MYO1H: variants seen among roughly 807,000 people sequenced by gnomAD.
MYO1H encodes myosin IH, also known as unconventional myosin-Ih.
A neutral mutation model predicts 149.3 loss-of-function variants in MYO1H; 118 were observed. The ratio of observed to expected loss-of-function variants is 0.79; its 90% CI spans 0.68 to 0.92. MYO1H has a LOEUF of 0.92. Among genes scored for constraint, MYO1H ranks in the 40% least tolerant of loss-of-function variants. The probability of loss-of-function intolerance (pLI) is 0.00; values close to 1 mark genes in which losing one functional copy is unlikely to be tolerated. For synonymous variants in MYO1H, 447 were observed against 465.2 expected, an observed-to-expected ratio of 0.96 and a Z score of 0.50; for missense variants, 1,212 against 1,280.7, an observed-to-expected ratio of 0.95 and a Z score of 0.82.
At chr12:109,360,602 G>T (rs532544799) in intron 1 of MYO1H, among the ~76,000 whole-genome samples, 6 of 152,310 alleles carry the variant, frequency 3.9e-5, no homozygotes, top group Admixed American at 2.6e-4. Flanking sequence ...TAGAGAGTAG[G>T]TGTGTTTGTT....
At chr12:109,345,687 A>G (rs2048100632), upstream of MYO1H, among the ~76,000 whole-genome samples, 1 of 152,232 alleles carries the variant, frequency 6.6e-6, no homozygotes, top group Non-Finnish European at 1.5e-5. Context: ...GCAATAGCCA[A>G]AAAGTGGAAA....
At chr12:109,392,666 A>C (rs1306395273) in intron 2 of MYO1H, among the ~76,000 whole-genome samples, 1 of 151,776 alleles carries the variant, frequency 6.6e-6, no homozygotes, top group Non-Finnish European at 1.5e-5. Flanking sequence ...CAATGAGCCG[A>C]GATCGAGCCA....
At chr12:109,338,834 C>T in the MYO1H span, among the ~76,000 whole-genome samples, 1 of 150,830 alleles carries the variant, frequency 6.6e-6, no homozygotes, top group African/African-American at 2.4e-5. Flanking sequence ...TCACACCCAT[C>T]TTGTTAGTTT....
rs1566031713 is a variant in MYO1H, at chr12:109,409,225, T to TTCTTCTTCTTCTTCTTCTTCTTCTTCTTC, written c.1156-331_1156-330insCTTCTTCTTCTTCTTCTTCTTCTTCTTCT. Among the ~76,000 whole-genome samples the TTCTTCTTCTTCTTCTTCTTCTTCTTCTTC allele has an allele frequency of 3.8e-5, 4 of 105,094 alleles. 1 individual carries two copies. Among genetic ancestry groups the TTCTTCTTCTTCTTCTTCTTCTTCTTCTTC allele is most frequent in the Non-Finnish European group, 7.6e-5 (4 of 52,554 alleles). The allele number at this position is 105,094 out of a possible 152,430, so 68.9% of individuals were successfully genotyped here. A position where few individuals can be genotyped will look rare whatever the true frequency, so the allele number is the denominator to read the frequency against. ...TCTCCTTCTTCTTCTCCTTCTTCTTTTTCTTCTTCTTCTTCTTCTTCTTTT... is the reference window on the plus strand; with the variant it reads ...TCTCCTTCTTCTTCTCCTTCTTCTTTTCTTCTTCTTCTTCTTCTTCTTCTTCTTCTTCTTCTTCTTCTTCTTCTTCTTTT... On this transcript the variant is annotated intron_variant, in intron 10 of 31. Transcript: ENST00000310903.
intron 1 of MYO1H, among the ~76,000 whole-genome samples, chr12:109,382,063 A>T (rs1168684648): frequency 6.6e-6 from 1 of 152,242 alleles, no homozygotes; most frequent in Non-Finnish European, 1.5e-5. Context: ...TAATAAATGA[A>T]GATGGTTTGA....
chr12:109,398,322 C>T (rs991612430), intron 5 of MYO1H, among the ~76,000 whole-genome samples: 1 of 152,246 alleles, frequency 6.6e-6, no homozygotes, highest in Non-Finnish European at 1.5e-5. Context: ...AACGACTACA[C>T]TGTGGTGTGT....
chr12:109,360,786 C>T (rs1339583391), intron 1 of MYO1H, among the ~76,000 whole-genome samples: 1 of 152,194 alleles, frequency 6.6e-6, no homozygotes, highest in Non-Finnish European at 1.5e-5. Context: ...GTCTTGTTTA[C>T]AAGACTGCCT....
intron 3 of MYO1H, among the ~76,000 whole-genome samples, chr12:109,394,605 A>T (rs1304633625): frequency 6.6e-6 from 1 of 152,140 alleles, no homozygotes; most frequent in Non-Finnish European, 1.5e-5. Flanking sequence ...TACCAAAAAA[A>T]AAAAAGGAAA....
chr12:109,418,541 GGTTTT>G (rs564993593), intron 15 of MYO1H, among the ~76,000 whole-genome samples: 1 of 151,264 alleles, frequency 6.6e-6, no homozygotes, highest in Admixed American at 6.6e-5. Context: ...GTAGAGACAG[GGTTTT>G]GTTTTGTTTT....
At chr12:109,389,286 C>T (rs997427176) in intron 2 of MYO1H, among the ~76,000 whole-genome samples, 12 of 152,112 alleles carry the variant, frequency 7.9e-5, no homozygotes, top group Non-Finnish European at 1.5e-4. Flanking sequence ...AGTAAATGGC[C>T]CAAGTTGACA....
the MYO1H span, among the ~76,000 whole-genome samples, chr12:109,324,484 A>G: frequency 6.6e-6 from 1 of 152,306 alleles, no homozygotes; most frequent in East Asian, 1.9e-4. Flanking sequence ...AACTTATTTT[A>G]TAAGCTTCCC....
the MYO1H span, among the ~76,000 whole-genome samples, chr12:109,331,487 T>TG: frequency 7.7e-5 from 8 of 103,352 alleles, no homozygotes; most frequent in East Asian, 2.6e-3. Context: ...GGGGCGGGGG[T>TG]GGGGTGCTGA....
chr12:109,413,407 C>T (rs1479221251), intron 14 of MYO1H, among the ~76,000 whole-genome samples: 1 of 152,128 alleles, frequency 6.6e-6, no homozygotes, highest in Non-Finnish European at 1.5e-5. Context: ...ATGGTAAAGA[C>T]TTAGTAAATG....
At chr12:109,412,311 C>T (rs913147676) in intron 14 of MYO1H, among the ~76,000 whole-genome samples, 6 of 152,146 alleles carry the variant, frequency 3.9e-5, no homozygotes, top group Non-Finnish European at 8.8e-5. Flanking sequence ...ACATACACCA[C>T]AATGCCTGGC....
intron 14 of MYO1H, among the ~76,000 whole-genome samples, 194 bp from the exon 15 acceptor site, chr12:109,415,332 G>A (rs572352162): frequency 2.0e-5 from 3 of 152,142 alleles, no homozygotes; most frequent in East Asian, 3.9e-4. Context: ...AAAATTAGCC[G>A]GGTGTGGTGG....
chr12:109,415,407 C>T (rs1870858851), intron 14 of MYO1H, 119 bp from the exon 15 acceptor site: 7 of 816,914 alleles, frequency 8.6e-6, no homozygotes, highest in South Asian at 1.8e-5. Flanking sequence ...CCCAGGGGGT[C>T]GGAGGTTGCC....
intron 9 of MYO1H, among the ~76,000 whole-genome samples, chr12:109,407,363 G>A (rs151010793): frequency 1.2e-3 from 182 of 152,098 alleles, no homozygotes; most frequent in African/African-American, 4.0e-3. Flanking sequence ...GCTGTATCTC[G>A]GCAGCCCAGC....
At chr12:109,310,614 T>TG in the MYO1H span, among the ~76,000 whole-genome samples, 2 of 151,686 alleles carry the variant, frequency 1.3e-5, no homozygotes, top group Non-Finnish European at 2.9e-5. Flanking sequence ...TGTGACTGTT[T>TG]TTTTTTTTTT....
At chr12:109,444,754 A>G (rs1268787058) in intron 30 of MYO1H, among the ~76,000 whole-genome samples, 62 of 151,872 alleles carry the variant, frequency 4.1e-4, no homozygotes, top group Admixed American at 3.9e-3. Context: ...GTAATCCCAG[A>G]TACTTGGGAG....
Sources: gnomAD v4.1 joint callset for allele counts (sites outside exome capture counted in the v4.1 genomes callset) on GRCh38, gnomAD v4.1.1 for gene constraint, MANE v1.5 for transcripts, NCBI Gene and HGNC (gene_info 2026-07-23, HGNC 2026-07-21) for gene names.